XKR6: variants seen among roughly 807,000 people sequenced by gnomAD.
XKR6 encodes XK related 6.
Under a neutral mutation model 56.7 loss-of-function variants are expected in XKR6, and 22 were observed. That is an observed-to-expected ratio of 0.39 (90% CI 0.28 to 0.55). The LOEUF is 0.55. Ranked by LOEUF, XKR6 falls within the 20% of genes least tolerant of loss-of-function variation. The probability of loss-of-function intolerance (pLI) is 0.66; values close to 1 mark genes in which losing one functional copy is unlikely to be tolerated. For missense variants in XKR6, 852 were observed against 889.0 expected (o/e 0.96, Z 0.53); for synonymous variants, 524 against 387.8 (o/e 1.35, Z -4.13).
At position 11,089,095 on chromosome 8, in the gene XKR6, G is replaced by T. The variant is rs149019453; in HGVS notation, c.764+111481C>A. Among the ~76,000 whole-genome samples the T allele has an allele frequency of 2.0e-3, 305 of 152,306 alleles. 1 individual carries two copies. Among genetic ancestry groups the T allele is most frequent in the African/African-American group, 6.9e-3 (285 of 41,560 alleles). On this transcript the variant is annotated intron_variant, in intron 1 of 2. Transcript: ENST00000416569. ...AAGCAAAGGGATCAGGAAAGCATAG[G>T]ACGTGACCTGGGACCCTACGGCTGG...
chr8:11,170,690 T>G (rs1802321666), intron 1 of XKR6, among the ~76,000 whole-genome samples: 1 of 152,226 alleles, frequency 6.6e-6, no homozygotes, highest in Non-Finnish European at 1.5e-5. Context: ...GGGTAAATTT[T>G]GTAGTACGTT....
chr8:11,056,002 T>C (rs1156250218), intron 1 of XKR6, among the ~76,000 whole-genome samples: 2 of 152,168 alleles, frequency 1.3e-5, no homozygotes, highest in Non-Finnish European at 2.9e-5. Flanking sequence ...TCCGGGCCTG[T>C]GCAGCCCTTG....
intron 1 of XKR6, among the ~76,000 whole-genome samples, chr8:10,999,446 G>A (rs1396313589): frequency 2.6e-5 from 4 of 152,162 alleles, no homozygotes; most frequent in African/African-American, 9.7e-5. Context: ...GTTGACAGAC[G>A]GTTTCTGGAT....
At chr8:10,904,603 G>GCAGGAGA (rs2129107921) in intron 2 of XKR6, among the ~76,000 whole-genome samples, 1 of 152,276 alleles carries the variant, frequency 6.6e-6, no homozygotes, top group South Asian at 2.1e-4. Context: ...GAGCAAGGAG[G>GCAGGAGA]TGCCACGGAA....
At chr8:11,031,768 G>T (rs1798999326) in intron 1 of XKR6, among the ~76,000 whole-genome samples, 1 of 152,360 alleles carries the variant, frequency 6.6e-6, no homozygotes, top group African/African-American at 2.4e-5. Flanking sequence ...AAATAAACGT[G>T]ACAGTGAAAC....
At chr8:11,188,877 T>C (rs1407941401) in intron 1 of XKR6, among the ~76,000 whole-genome samples, 1 of 152,006 alleles carries the variant, frequency 6.6e-6, no homozygotes, top group Non-Finnish European at 1.5e-5. Context: ...GGTTCTCGGA[T>C]TTTCTCACCA....
chr8:10,984,695 G>GCTCTCTCTCTCTCT (rs61138077), intron 1 of XKR6, among the ~76,000 whole-genome samples: 47 of 56,306 alleles, frequency 8.3e-4, no homozygotes, highest in Non-Finnish European at 1.4e-3. Flanking sequence ...AAAATACATG[G>GCTCTCTCTCTCTCT]CTCTCTCTCT....
chr8:11,115,381 C>T (rs1799123031), intron 1 of XKR6, among the ~76,000 whole-genome samples: 1 of 152,190 alleles, frequency 6.6e-6, no homozygotes, highest in Non-Finnish European at 1.5e-5. Flanking sequence ...AAGAGTAATT[C>T]ATTCAACTGA....
chr8:10,972,140 G>C (rs2129134159), intron 1 of XKR6, among the ~76,000 whole-genome samples: 1 of 152,168 alleles, frequency 6.6e-6, no homozygotes, highest in East Asian at 1.9e-4. Flanking sequence ...CGACTGCTTG[G>C]GGGTTCATCC....
chr8:11,191,493 T>C (rs913644818), intron 1 of XKR6, among the ~76,000 whole-genome samples: 2 of 152,126 alleles, frequency 1.3e-5, no homozygotes, highest in African/African-American at 2.4e-5. Flanking sequence ...AAAACACGTA[T>C]GGGGCGCCTA....
At chr8:11,032,354 A>G (rs1176965545) in intron 1 of XKR6, among the ~76,000 whole-genome samples, 1 of 152,226 alleles carries the variant, frequency 6.6e-6, no homozygotes, top group Non-Finnish European at 1.5e-5. Context: ...TTGCAGAGAG[A>G]AAACATATTT....
At chr8:11,101,910 G>A (rs4509278) in intron 1 of XKR6, among the ~76,000 whole-genome samples, 2,497 of 152,252 alleles carry the variant, frequency 0.016, 34 homozygotes, top group Non-Finnish European at 0.026. Flanking sequence ...CACAATTTTA[G>A]TGTTGTATCT....
chr8:11,075,495 A>G (rs1171862726), intron 1 of XKR6, among the ~76,000 whole-genome samples: 1 of 152,170 alleles, frequency 6.6e-6, no homozygotes, highest in Non-Finnish European at 1.5e-5. Context: ...CCCTACCCTA[A>G]GCACAAAGCA....
chr8:10,954,396 T>C (rs1456593268), intron 1 of XKR6, among the ~76,000 whole-genome samples: 3 of 152,254 alleles, frequency 2.0e-5, no homozygotes, highest in African/African-American at 7.2e-5. Flanking sequence ...TTTTGATTTG[T>C]ATTTCCCTAA....
Position 10,927,251 on chromosome 8 carries a change from G to A in XKR6, c.765-2421C>T, listed in dbSNP as rs555867115. ...ACATGAATGCTCCAGCTGAAGCACC[G>A]AGGCAGGGCTGCGTGCCCAGATCTT... is the stretch of plus-strand genomic sequence containing the variant. On this transcript the variant is annotated intron_variant, in intron 1 of 2. Coordinates refer to ENST00000416569, the MANE Select transcript of XKR6 (RefSeq NM_173683.4). Among the ~76,000 whole-genome samples the A allele has an allele frequency of 9.9e-5, 15 of 152,240 alleles. No individual in the cohort carries two copies. In the South Asian group the frequency reaches 2.5e-3, roughly 25 times the overall value.
In XKR6 at chr8:10,897,924, T is replaced by C. The variant is rs1470681200; in HGVS notation, c.*28A>G. Reference sequence around the variant, plus strand: ...TGTTTGCCGCAAACCAAACTTAAGGTCCCCTTCTCAACTTGGTCAAGATGC... The same window carrying C: ...TGTTTGCCGCAAACCAAACTTAAGGCCCCCTTCTCAACTTGGTCAAGATGC... On this transcript the variant is annotated 3_prime_UTR_variant, in exon 3 of 3. Transcript: ENST00000416569. The C allele has an allele frequency of 2.0e-6, 3 of 1,528,034 alleles. No individual in the cohort carries two copies. In the African/African-American group the frequency reaches 4.2e-5, roughly 21 times the overall value. 94.7% of individuals were successfully genotyped at this position (1,528,034 alleles called of 1,614,324 possible). A position where few individuals can be genotyped will look rare whatever the true frequency, so the allele number is the denominator to read the frequency against.
intron 1 of XKR6, chr8:11,137,927 C>G (rs1463726819): frequency 8.4e-6 from 3 of 356,896 alleles, no homozygotes; most frequent in Non-Finnish European, 1.6e-5. Flanking sequence ...CGTGACACAA[C>G]TCGACCTTGA....
At chr8:11,167,561 G>C (rs1223257003) in intron 1 of XKR6, among the ~76,000 whole-genome samples, 3 of 152,142 alleles carry the variant, frequency 2.0e-5, no homozygotes, top group African/African-American at 7.2e-5. Flanking sequence ...GGGAAGAAAA[G>C]ACGTGAAGAA....
At chr8:11,180,564 T>C (rs1323666445) in intron 1 of XKR6, among the ~76,000 whole-genome samples, 1 of 152,154 alleles carries the variant, frequency 6.6e-6, no homozygotes, top group Non-Finnish European at 1.5e-5. Context: ...TGCAACAGCA[T>C]GGAGACAAAT....
Sources: allele counts gnomAD v4.1 joint callset (sites outside exome capture counted in the v4.1 genomes callset), GRCh38; gene constraint gnomAD v4.1.1; transcripts MANE v1.5; gene names NCBI Gene and HGNC (gene_info 2026-07-23, HGNC 2026-07-21).